PWP1: variants seen among roughly 807,000 people sequenced by gnomAD.
The protein encoded by PWP1 is periodic tryptophan protein 1 homolog.
A neutral mutation model predicts 69.9 loss-of-function variants in PWP1; 47 were observed. The ratio of observed to expected loss-of-function variants is 0.67; its 90% CI spans 0.53 to 0.86. The LOEUF is 0.86. Ranked by LOEUF, PWP1 falls within the 40% of genes least tolerant of loss-of-function variation. PWP1 has a pLI of 0.00. For missense variants in PWP1, 551 were observed against 608.8 expected (o/e 0.91, Z 1.00); for synonymous variants, 222 against 208.2 (o/e 1.07, Z -0.57).
intron 1 of PWP1, among the ~76,000 whole-genome samples, chr12:107,686,830 G>A (rs1889375294): frequency 6.6e-6 from 1 of 152,090 alleles, no homozygotes; most frequent in African/African-American, 2.4e-5. Context: ...GCCGGGTGTG[G>A]TGGTGGATGC....
At chr12:107,701,419 A>G (rs188809974) in intron 8 of PWP1, among the ~76,000 whole-genome samples, 35 of 152,222 alleles carry the variant, frequency 2.3e-4, no homozygotes, top group African/African-American at 7.0e-4. Flanking sequence ...TCTTGGTGCT[A>G]TCATTTGCAG....
rs374222545 is a variant in PWP1 at position 107,703,057 on chromosome 12, G to A, written c.903+26G>A. On this transcript the variant is annotated intron_variant, in intron 9 of 14. Coordinates refer to ENST00000412830, the MANE Select transcript of PWP1 (RefSeq NM_007062.3). ...GTATGGTGATTTAGTTGATCACAGC[G>A]GTTCTTAAAAATCGGACACAAATAT... The A allele has an allele frequency of 7.7e-5, 117 of 1,510,120 alleles. 1 individual carries two copies. The African/African-American group carries it at 8.0e-4, about 10-fold the overall frequency. The allele number at this position is 1,510,120 out of a possible 1,614,324, so 93.5% of individuals were successfully genotyped here.
intron 5 of PWP1, among the ~76,000 whole-genome samples, chr12:107,695,610 C>T (rs2136275742): frequency 6.6e-6 from 1 of 152,304 alleles, no homozygotes; most frequent in African/African-American, 2.4e-5. Context: ...TGCTGCTTAA[C>T]ATTACAGCTG....
At position 107,697,576 on chromosome 12, in the gene PWP1, G is replaced by A; in HGVS notation, c.723G>A (p.Lys241=). Residue 241 remains lysine, a synonymous_variant, in exon 7 of 15, where the codon AAG becomes AAA. Transcript: ENST00000412830. ...CACTCGGAAGTAAACTTTCAAAAAA[G>A]AAGAAAAAGAAAGGAAAGAAGGTAA... ...VFTLGSKLSK[K]KKKKGKKSSS... The A allele has an allele frequency of 1.9e-6, 3 of 1,603,270 alleles. No homozygotes were observed. The highest frequency in any genetic ancestry group is 2.5e-6 in the Non-Finnish European group (3 of 1,176,654).
intron 11 of PWP1, among the ~76,000 whole-genome samples, chr12:107,705,049 G>GT (rs964425561): frequency 4.0e-5 from 6 of 150,966 alleles, no homozygotes; most frequent in Admixed American, 3.3e-4. Context: ...AGTATTTTTT[G>GT]TTTTTTTTAA....
chr12:107,705,598 C>G (rs929547019), intron 11 of PWP1, among the ~76,000 whole-genome samples: 1 of 148,796 alleles, frequency 6.7e-6, no homozygotes, highest in African/African-American at 2.5e-5. Flanking sequence ...CAATTCCCAC[C>G]TATGAGTGAG....
chr12:107,704,840 G>A (rs1889783142), intron 11 of PWP1, 93 bp downstream of exon 11: 1 of 1,062,440 alleles, frequency 9.4e-7, no homozygotes, highest in Non-Finnish European at 1.4e-6. Context: ...AGCTTTTTCT[G>A]TTTTAACAGT....
At chr12:107,694,642 C>T (rs1230961653) in intron 5 of PWP1, among the ~76,000 whole-genome samples, 1 of 152,134 alleles carries the variant, frequency 6.6e-6, no homozygotes, top group Admixed American at 6.6e-5. Flanking sequence ...GTTTACTTTG[C>T]TTTTAAGACC....
At chr12:107,687,755 G>A (rs753871504) in intron 1 of PWP1, among the ~76,000 whole-genome samples, 7 of 151,940 alleles carry the variant, frequency 4.6e-5, no homozygotes, top group Non-Finnish European at 1.0e-4. Flanking sequence ...ATTAAGGCCG[G>A]GCACGGTGGC....
At chr12:107,688,289 TC>T (rs11350649) in intron 1 of PWP1, among the ~76,000 whole-genome samples, 158 bp from the exon 2 acceptor site, 28,108 of 152,062 alleles carry the variant, frequency 0.18, 3,641 homozygotes, top group East Asian at 0.53. Context: ...ATCTATAAAA[TC>T]TATATTTTTT....
At chr12:107,701,339 A>T (rs7974456) in intron 8 of PWP1, among the ~76,000 whole-genome samples, 94,919 of 151,856 alleles carry the variant, frequency 0.63, 30,173 homozygotes, top group East Asian at 0.71. Flanking sequence ...TTGGAGTTAA[A>T]ACTAACTCCT....
chr12:107,704,623 T>C lies in PWP1; in HGVS notation c.966-13T>C. ...GAACTCTTAAAACCCTAACTTTGCC[T>C]GAATGTGTCTAGGTCAGTGGCTTTG... On this transcript the variant is annotated splice_polypyrimidine_tract_variant and intron_variant, in intron 10 of 14. Transcript: ENST00000412830. 6.2e-7 allele frequency: 1 copy of C among 1,608,138 alleles called. No individual in the cohort carries two copies. Among genetic ancestry groups the C allele is most frequent in the Middle Eastern group, 1.7e-4 (1 of 6,042 alleles).
chr12:107,704,745 T>G lies in PWP1; in HGVS notation c.1075T>G (p.Leu359Val), dbSNP rs1889780893. ...TWNHFSPCHF[L>V]ASTDDGFVYN... ...GAATCACTTTTCACCTTGTCATTTCTTGGTAAGAGTACGAATGTTGTTGTT... is the reference window on the plus strand; with the variant it reads ...GAATCACTTTTCACCTTGTCATTTCGTGGTAAGAGTACGAATGTTGTTGTT... The change falls in exon 11 of 15, where the codon TTG (leucine) becomes GTG (valine). Residue 359 changes from leucine (L) to valine (V), a missense_variant and splice_region_variant. Coordinates refer to ENST00000412830, the MANE Select transcript of PWP1 (RefSeq NM_007062.3). 6.2e-7 allele frequency: 1 copy of G among 1,611,956 alleles called. No homozygotes were observed. Among genetic ancestry groups the G allele is most frequent in the African/African-American group, 1.3e-5 (1 of 75,006 alleles).
intron 5 of PWP1, among the ~76,000 whole-genome samples, chr12:107,695,566 A>G (rs1368717279): frequency 6.6e-6 from 1 of 152,206 alleles, no homozygotes; most frequent in African/African-American, 2.4e-5. Context: ...GTAATTTTTA[A>G]AAGACTTCTT....
Position 107,712,136 on chromosome 12 carries a change from G to A in PWP1, c.1422G>A (p.Glu474=). 1 of 1,614,054 alleles carries A rather than the reference G, an allele frequency of 6.2e-7. No individual in the cohort carries two copies. Among genetic ancestry groups the A allele is most frequent in the South Asian group, 1.1e-5 (1 of 91,072 alleles). The change falls in exon 15 of 15, where the codon GAG becomes GAA. Residue 474 remains glutamate (E), a synonymous_variant. Coordinates refer to ENST00000412830, the MANE Select transcript of PWP1 (RefSeq NM_007062.3). The stretch of plus-strand genomic sequence containing the variant: ...TAAATGAAGCATTTGGAAGACGAGA[G>A]AGGCTTGTTCTTGGGAGTGCAAGAA... The part of the protein sequence containing the change: ...SSVNEAFGRR[E]RLVLGSARNS...
At chr12:107,706,699 C>T (rs1889831287) in intron 11 of PWP1, among the ~76,000 whole-genome samples, 1 of 152,138 alleles carries the variant, frequency 6.6e-6, no homozygotes. Context: ...TGTCAAAGAT[C>T]AGATGATTGT....
At chr12:107,689,005 A>G (rs1174768151) in intron 3 of PWP1, among the ~76,000 whole-genome samples, 1 of 149,350 alleles carries the variant, frequency 6.7e-6, no homozygotes, top group Non-Finnish European at 1.5e-5. Context: ...TCTAGGATCT[A>G]AAAAAAAAAG....
At chr12:107,695,253 A>T (rs980983118) in intron 5 of PWP1, among the ~76,000 whole-genome samples, 2 of 151,604 alleles carry the variant, frequency 1.3e-5, no homozygotes. Context: ...GCGACAGAGC[A>T]AGACTCCATC....
chr12:107,702,022 A>G (rs1354362975), intron 8 of PWP1, among the ~76,000 whole-genome samples: 1 of 152,126 alleles, frequency 6.6e-6, no homozygotes, highest in Non-Finnish European at 1.5e-5. Context: ...TAATTACCTT[A>G]GTACCCTTGT....
Sources: allele counts gnomAD v4.1 joint callset (sites outside exome capture counted in the v4.1 genomes callset), GRCh38; gene constraint gnomAD v4.1.1; transcripts MANE v1.5; gene names NCBI Gene and HGNC (gene_info 2026-07-23, HGNC 2026-07-21).